The following MICAL2 variants were observed in gnomAD, a reference collection of about 807,000 sequenced individuals.
MICAL2 encodes the protein [F-actin]-monooxygenase MICAL2.
A neutral mutation model predicts 127.3 loss-of-function variants in MICAL2; 77 were observed. That is an observed-to-expected ratio of 0.60 (90% CI 0.50 to 0.73). The LOEUF (loss-of-function observed/expected upper bound fraction) is 0.73, where lower values mean the gene tolerates loss of function less well. Among genes scored for constraint, MICAL2 ranks in the 30% least tolerant of loss-of-function variants. The pLI is 0.00. For synonymous variants in MICAL2, 570 were observed against 551.1 expected (o/e 1.03, Z -0.48); for missense variants, 1,351 against 1,434.4 (o/e 0.94, Z 0.94).
At chr11:12,226,549 T>C (rs1041878403) in intron 14 of MICAL2, among the ~76,000 whole-genome samples, 179 bp downstream of exon 14, 3 of 152,164 alleles carry the variant, frequency 2.0e-5, no homozygotes, top group African/African-American at 7.2e-5. Flanking sequence ...TAAGTGGATC[T>C]GTATGCCATT....
chr11:12,338,772 G>A (rs1476058962), intron 32 of MICAL2, among the ~76,000 whole-genome samples: 1 of 152,212 alleles, frequency 6.6e-6, no homozygotes, highest in Admixed American at 6.5e-5. Context: ...TAAGAATGTT[G>A]AATATTGGCC....
chr11:12,161,876 A>C, intron 2 of MICAL2: 1 of 474,428 alleles, frequency 2.1e-6, no homozygotes, highest in Non-Finnish European at 3.8e-6. Flanking sequence ...GCATAGGGGA[A>C]GAGATTACCT....
chr11:12,119,917 A>G (rs1007954543), intron 1 of MICAL2, among the ~76,000 whole-genome samples: 2 of 152,210 alleles, frequency 1.3e-5, no homozygotes, highest in African/African-American at 2.4e-5. Context: ...TTCTTGCTCA[A>G]GGTCACCCAG....
chr11:12,168,559 CACAT>C (rs1855834729), intron 3 of MICAL2, among the ~76,000 whole-genome samples: 1 of 151,666 alleles, frequency 6.6e-6, no homozygotes, highest in African/African-American at 2.4e-5. Flanking sequence ...TTTACATAGA[CACAT>C]ATATATTTCT....
chr11:12,264,238 C>T (rs1411303798), downstream of MICAL2, among the ~76,000 whole-genome samples: 2 of 152,092 alleles, frequency 1.3e-5, no homozygotes, highest in Admixed American at 1.3e-4. Flanking sequence ...AGCTGAGTGG[C>T]AAGTGGAAGG....
At chr11:12,165,984 A>T (rs889251331) in intron 3 of MICAL2, among the ~76,000 whole-genome samples, 2 of 152,222 alleles carry the variant, frequency 1.3e-5, no homozygotes, top group African/African-American at 4.8e-5. Flanking sequence ...TGAACTGAGG[A>T]TCATGCCAAA....
intron 2 of MICAL2, among the ~76,000 whole-genome samples, chr11:12,283,151 G>A (rs2134768471): frequency 6.6e-6 from 1 of 152,182 alleles, no homozygotes; most frequent in East Asian, 1.9e-4. Context: ...TCTAAGTGCT[G>A]TGCTTTGTGC....
chr11:12,259,532 T>C (rs1862812916), intron 25 of MICAL2, among the ~76,000 whole-genome samples: 1 of 152,218 alleles, frequency 6.6e-6, no homozygotes, highest in African/African-American at 2.4e-5. Flanking sequence ...TTTCAAATTA[T>C]TTACTTGATG....
exon 35 of MICAL2, chr11:12,358,392 A>G: frequency 6.2e-7 from 1 of 1,614,182 alleles, no homozygotes; most frequent in Non-Finnish European, 8.5e-7. Flanking sequence ...TCGATTCCTT[A>G]GAGGAACAAC....
intron 29 of MICAL2, among the ~76,000 whole-genome samples, chr11:12,316,513 T>G (rs1349509074): frequency 1.3e-5 from 2 of 152,138 alleles, no homozygotes; most frequent in Non-Finnish European, 2.9e-5. Flanking sequence ...GTTAATTTTG[T>G]GTACTGCAAC....
chr11:12,323,917 T>C lies in MICAL2; in HGVS notation c.5329-61T>C, dbSNP rs1027421498. ...GAGAGGGTAGAAGCCTATAACGATA[T>C]TTTGTAAATTTCAACCCCATTTTTC... On this transcript the variant is annotated intron_variant, in intron 30 of 34. Coordinates refer to the MICAL2 transcript ENST00000646065. 3.2e-6 allele frequency: 5 copies of C among 1,549,332 alleles called. No individual in the cohort carries two copies. In the African/African-American group the frequency reaches 6.9e-5, roughly 21 times the overall value.
At chr11:12,239,094 C>T (rs1859511428) in intron 16 of MICAL2, among the ~76,000 whole-genome samples, 2 of 152,090 alleles carry the variant, frequency 1.3e-5, no homozygotes, top group Admixed American at 6.6e-5. Context: ...TTGGTTTTTG[C>T]AGTAATCATG....
chr11:12,119,852 A>G (rs900752130), intron 1 of MICAL2, among the ~76,000 whole-genome samples: 1 of 152,154 alleles, frequency 6.6e-6, no homozygotes, highest in Non-Finnish European at 1.5e-5. Context: ...TGTTTTACCT[A>G]TGGAGAAACT....
intron 21 of MICAL2, among the ~76,000 whole-genome samples, chr11:12,245,382 G>A (rs902996814): frequency 6.6e-6 from 1 of 152,230 alleles, no homozygotes; most frequent in African/African-American, 2.4e-5. Context: ...TTGCATTAGT[G>A]AAAAATTAGA....
chr11:12,226,833 T>C (rs1327598208), intron 14 of MICAL2, among the ~76,000 whole-genome samples, 192 bp from the exon 15 acceptor site: 6 of 151,902 alleles, frequency 3.9e-5, no homozygotes, highest in Non-Finnish European at 7.4e-5. Flanking sequence ...TTTTTGTATT[T>C]TTAGTAGAGA....
At chr11:12,324,138 G>A (rs1864330660) in intron 31 of MICAL2, 22 of 1,555,464 alleles carry the variant, frequency 1.4e-5, no homozygotes, top group Non-Finnish European at 1.9e-5. Flanking sequence ...GGATGGGAAA[G>A]AGTTTTGGGG....
chr11:12,353,087 G>A (rs1191370597), intron 33 of MICAL2, among the ~76,000 whole-genome samples: 3 of 152,040 alleles, frequency 2.0e-5, no homozygotes, highest in African/African-American at 7.2e-5. Flanking sequence ...GTTCAGGGTT[G>A]ATAACAAGAA....
intron 31 of MICAL2, among the ~76,000 whole-genome samples, chr11:12,325,006 G>T (rs960144575): frequency 6.6e-6 from 1 of 151,184 alleles, no homozygotes; most frequent in Admixed American, 6.6e-5. Flanking sequence ...ATCCCAGATG[G>T]TTGTGATGAG....
At chr11:12,133,923 G>A (rs1294807543) in intron 1 of MICAL2, among the ~76,000 whole-genome samples, 1 of 152,208 alleles carries the variant, frequency 6.6e-6, no homozygotes, top group African/African-American at 2.4e-5. Flanking sequence ...CACCTCTGAG[G>A]GATCTGAGCA....
Sources: allele counts gnomAD v4.1 joint callset (sites outside exome capture counted in the v4.1 genomes callset), GRCh38; gene constraint gnomAD v4.1.1; transcripts MANE v1.5; gene names NCBI Gene and HGNC (gene_info 2026-07-23, HGNC 2026-07-21).